ZEB2: variants seen among roughly 807,000 people sequenced by gnomAD.
ZEB2 encodes zinc finger E-box-binding homeobox 2.
In ZEB2, 6 loss-of-function variants were observed where a neutral mutation model predicts 99.9. That is an observed-to-expected ratio of 0.06 (90% CI 0.03 to 0.12). ZEB2 has a LOEUF of 0.12. ZEB2 is among the 10% of genes least tolerant of loss of function. ZEB2 has a pLI of 1.00. For synonymous variants in ZEB2, 517 were observed against 542.5 expected, an observed-to-expected ratio of 0.95 and a Z score of 0.65; for missense variants, 969 against 1,502.8, an observed-to-expected ratio of 0.64 and a Z score of 5.87.
intron 9 of ZEB2, among the ~76,000 whole-genome samples, chr2:144,393,962 G>A (rs890885992): frequency 6.6e-6 from 1 of 152,072 alleles, no homozygotes; most frequent in African/African-American, 2.4e-5. Context: ...CACACTGTCG[G>A]CCAGGCTGGA....
intron 4 of ZEB2, among the ~76,000 whole-genome samples, chr2:144,407,069 A>G (rs1703397633): frequency 6.6e-6 from 1 of 152,354 alleles, no homozygotes; most frequent in Non-Finnish European, 1.5e-5. Context: ...AAAGCAAAGA[A>G]CACTAGAATT....
chr2:144,506,801 C>T (rs1167219699), intron 2 of ZEB2, among the ~76,000 whole-genome samples: 1 of 152,102 alleles, frequency 6.6e-6, no homozygotes, highest in Admixed American at 6.5e-5. Context: ...TGGCTATCAT[C>T]TTGTCAGGAG....
chr2:144,437,526 C>A (rs1224340545), intron 2 of ZEB2, among the ~76,000 whole-genome samples: 1 of 152,032 alleles, frequency 6.6e-6, no homozygotes, highest in African/African-American at 2.4e-5. Flanking sequence ...AGGGGCTTTA[C>A]AGAAAAAATA....
At chr2:144,408,501 TG>T (rs1445585033) in intron 4 of ZEB2, among the ~76,000 whole-genome samples, 3 of 152,348 alleles carry the variant, frequency 2.0e-5, no homozygotes, top group Admixed American at 6.5e-5. Context: ...TTGCTCCATC[TG>T]GATATTTCTT....
At chr2:144,413,339 G>A (rs1427612488) in intron 4 of ZEB2, among the ~76,000 whole-genome samples, 1 of 152,220 alleles carries the variant, frequency 6.6e-6, no homozygotes, top group Admixed American at 6.5e-5. Flanking sequence ...TGAAATATCA[G>A]TTATTTCTTG....
At chr2:144,477,206 G>A (rs1312044399) in intron 2 of ZEB2, among the ~76,000 whole-genome samples, 3 of 152,156 alleles carry the variant, frequency 2.0e-5, no homozygotes, top group African/African-American at 7.2e-5. Context: ...TGCATGCAAA[G>A]CAAGCTGCAT....
chr2:144,499,725 A>G (rs1386599728), intron 2 of ZEB2, among the ~76,000 whole-genome samples: 2 of 152,102 alleles, frequency 1.3e-5, no homozygotes, highest in African/African-American at 4.8e-5. Context: ...CACCTACACC[A>G]TGGACAGATT....
intron 4 of ZEB2, among the ~76,000 whole-genome samples, chr2:144,414,966 G>T (rs75696875): frequency 6.7e-6 from 1 of 149,942 alleles, no homozygotes; most frequent in African/African-American, 2.5e-5. Flanking sequence ...GTGTGTGTGT[G>T]TTTGTATATG....
At chr2:144,411,195 A>C (rs1168628513) in intron 4 of ZEB2, among the ~76,000 whole-genome samples, 1 of 150,052 alleles carries the variant, frequency 6.7e-6, no homozygotes, top group African/African-American at 2.4e-5. Context: ...TTATGTATTT[A>C]TCATATAATC....
chr2:144,492,997 G>C (rs1260900665), intron 2 of ZEB2, among the ~76,000 whole-genome samples: 1 of 152,208 alleles, frequency 6.6e-6, no homozygotes, highest in Non-Finnish European at 1.5e-5. Context: ...TATTTTAAGT[G>C]CTGTGACAAA....
intron 2 of ZEB2, among the ~76,000 whole-genome samples, chr2:144,478,040 C>T (rs1048387895): frequency 1.3e-5 from 2 of 152,142 alleles, no homozygotes; most frequent in African/African-American, 4.8e-5. Flanking sequence ...CATCCCGTCA[C>T]CCATGGATGC....
At chr2:144,501,226 A>T (rs1260051236) in intron 2 of ZEB2, among the ~76,000 whole-genome samples, 1 of 152,186 alleles carries the variant, frequency 6.6e-6, no homozygotes, top group Non-Finnish European at 1.5e-5. Context: ...CAATCTCAGG[A>T]ACTTTCTCCA....
chr2:144,454,147 T>C (rs1170859508), intron 2 of ZEB2, among the ~76,000 whole-genome samples: 2 of 152,364 alleles, frequency 1.3e-5, no homozygotes, highest in South Asian at 4.1e-4. Flanking sequence ...ACCTTAAAGA[T>C]GGTGTTTCCT....
chr2:144,468,155 G>A (rs1022953934), intron 2 of ZEB2, among the ~76,000 whole-genome samples: 3 of 152,026 alleles, frequency 2.0e-5, no homozygotes, highest in Non-Finnish European at 2.9e-5. Flanking sequence ...AGAGCCTGCC[G>A]GGAGAGAAAG....
intron 2 of ZEB2, among the ~76,000 whole-genome samples, chr2:144,433,489 AATC>A (rs1162937939): frequency 6.6e-6 from 1 of 152,190 alleles, no homozygotes; most frequent in Non-Finnish European, 1.5e-5. Context: ...TTTTATGTGG[AATC>A]ATATTAAAGT....
chr2:144,467,038 TG>T (rs1704281443), intron 2 of ZEB2, among the ~76,000 whole-genome samples: 1 of 152,284 alleles, frequency 6.6e-6, no homozygotes, highest in African/African-American at 2.4e-5. Context: ...CTAACAAGAC[TG>T]ACATAAGGAA....
chr2:144,440,199 C>G (rs1703886967), intron 2 of ZEB2, among the ~76,000 whole-genome samples: 1 of 152,144 alleles, frequency 6.6e-6, no homozygotes, highest in Non-Finnish European at 1.5e-5. Context: ...GGCTGGAACT[C>G]AGACTCATGA....
chr2:144,398,199 T>G, intron 8 of ZEB2, 102 bp downstream of exon 8: 2 of 1,473,336 alleles, frequency 1.4e-6, no homozygotes, highest in Non-Finnish European at 1.8e-6. Context: ...ACTCTTCTGT[T>G]TCTGCTGAGT....
In ZEB2 at chr2:144,385,736, A is replaced by G. The variant is rs890786970; in HGVS notation, c.*3715T>C. On this transcript the variant is annotated 3_prime_UTR_variant, in exon 10 of 10. Transcript: ENST00000627532. Reference sequence around the variant, plus strand: ...GTTAACAATTTTTCAGTTCAAATACATGTAAACTTATTATTGGGCAGTCTC... The same window carrying G: ...GTTAACAATTTTTCAGTTCAAATACGTGTAAACTTATTATTGGGCAGTCTC... 3 of 152,216 alleles carry G rather than the reference A, an allele frequency of 2.0e-5. No homozygotes were observed. The highest frequency in any genetic ancestry group is 4.4e-5 in the Non-Finnish European group (3 of 68,038). 9.4% of individuals were successfully genotyped at this position (152,216 alleles called of 1,614,324 possible).
Sources: gnomAD v4.1 joint callset for allele counts (sites outside exome capture counted in the v4.1 genomes callset) on GRCh38, gnomAD v4.1.1 for gene constraint, MANE v1.5 for transcripts, NCBI Gene and HGNC (gene_info 2026-07-23, HGNC 2026-07-21) for gene names.